SUN5: variants seen among roughly 807,000 people sequenced by gnomAD.
SUN5 encodes the protein Sad1 and UNC84 domain containing 5.
In SUN5, 44 loss-of-function variants were observed where a neutral mutation model predicts 53.7. The observed-to-expected ratio is 0.82, with a 90% CI of 0.64 to 1.05. SUN5 has a LOEUF of 1.05. Among genes scored for constraint, SUN5 ranks in the 50% least tolerant of loss-of-function variants. The pLI is 0.00. For missense variants in SUN5, 433 were observed against 483.8 expected (o/e 0.90, Z 0.98); for synonymous variants, 166 against 179.8 (o/e 0.92, Z 0.62).
Position 32,987,653 on chromosome 20 carries a change from C to T in SUN5, c.729+7G>A. On this transcript the variant is annotated splice_region_variant and intron_variant, in intron 10 of 12. Transcript: ENST00000356173. ...GCCGCTGTCCCATCTCCCGCCATCCCCCCTGCCTCAAGGATCACGTCTGGG... is the reference window on the plus strand; with the variant it reads ...GCCGCTGTCCCATCTCCCGCCATCCTCCCTGCCTCAAGGATCACGTCTGGG... 1 of 1,596,446 alleles carries T rather than the reference C, an allele frequency of 6.3e-7. No individual in the cohort carries two copies. Among genetic ancestry groups the T allele is most frequent in the African/African-American group, 1.3e-5 (1 of 74,782 alleles).
Position 33,002,490 on chromosome 20 carries a change from G to A in SUN5, c.211+97C>T. 5 of 1,179,580 alleles carry A rather than the reference G, an allele frequency of 4.2e-6. No individual in the cohort carries two copies. In the South Asian group the frequency reaches 5.0e-5, roughly 12 times the overall value. 73.1% of individuals were successfully genotyped at this position (1,179,580 alleles called of 1,614,324 possible). On this transcript the variant is annotated intron_variant, in intron 3 of 12. Transcript: ENST00000356173. ...GCTCCCCACCACCCCTGCAGTCCAG[G>A]GCAGGCATTGCCACCCCCAGGTCAG... is the stretch of plus-strand genomic sequence containing the variant.
In SUN5 at chr20:32,985,895, C is replaced by T; in HGVS notation, c.738G>A (p.Val246=). ...QPPDVILEPN[V]TPGNCWAFEG... is the part of the protein sequence containing the mutation. ...CAAAGGCCCAGCAATTGCCAGGTGT[C>T]ACGTTGGGCTAGAAGAGGCAAGTAC... Residue 246 remains valine (V), a synonymous_variant, in exon 11 of 13, where the codon GTG becomes GTA. Transcript: ENST00000356173. The T allele has an allele frequency of 1.2e-6, 2 of 1,613,758 alleles. No individual in the cohort carries two copies. The highest frequency in any genetic ancestry group is 1.1e-5 in the South Asian group (1 of 91,042).
chr20:32,999,333 G>A (rs1325489868), intron 5 of SUN5, among the ~76,000 whole-genome samples: 1 of 152,156 alleles, frequency 6.6e-6, no homozygotes, highest in Non-Finnish European at 1.5e-5. Flanking sequence ...GATGGCTCAC[G>A]TCTGTAATCC....
Position 32,983,908 on chromosome 20 carries a change from G to T in SUN5, c.1026C>A (p.Ile342=). 6.3e-7 allele frequency: 1 copy of T among 1,597,854 alleles called. No homozygotes were observed. ...AGCCTGGGTTCCCCCAGTTGCTTGAGATCTTCACCTTGACCGCACTGAAAG... is the reference window on the plus strand; with the variant it reads ...AGCCTGGGTTCCCCCAGTTGCTTGATATCTTCACCTTGACCGCACTGAAAG... The part of the protein sequence containing the change: ...ARAFSAVKVK[I]SSNWGNPGFT... The change falls in exon 13 of 13, where the codon ATC becomes ATA. Residue 342 remains isoleucine, a synonymous_variant. Coordinates refer to ENST00000356173, the MANE Select transcript of SUN5 (RefSeq NM_080675.4).
intron 6 of SUN5, 78 bp from the exon 7 acceptor site, chr20:32,996,436 C>T: frequency 7.5e-6 from 10 of 1,335,474 alleles, no homozygotes; most frequent in Non-Finnish European, 1.1e-5. Flanking sequence ...TCCATCTATT[C>T]TCCCACAATT....
At position 33,002,514 on chromosome 20, in the gene SUN5, A is replaced by G; in HGVS notation, c.211+73T>C. The stretch of plus-strand genomic sequence containing the variant: ...GGGCAGGCATTGCCACCCCCAGGTC[A>G]GCCTGGGCCGAGGCTGGACCCTCTC... On this transcript the variant is annotated intron_variant, in intron 3 of 12. Transcript: ENST00000356173. 4.7e-6 allele frequency: 7 copies of G among 1,496,684 alleles called. 1 individual carries two copies. The Admixed American group carries it at 1.2e-4, about 25-fold the overall frequency. 92.7% of individuals were successfully genotyped at this position (1,496,684 alleles called of 1,614,324 possible). A position where few individuals can be genotyped will look rare whatever the true frequency, so the allele number is the denominator to read the frequency against.
intron 8 of SUN5, 93 bp from the exon 9 acceptor site, chr20:32,989,791 C>T (rs762310950): frequency 5.3e-5 from 57 of 1,067,778 alleles, no homozygotes; most frequent in Admixed American, 3.9e-4. Context: ...GGCTGCAGGA[C>T]GCTGTCCTCT....
At chr20:32,991,259 G>A (rs1032913066) in intron 8 of SUN5, among the ~76,000 whole-genome samples, 1 of 152,178 alleles carries the variant, frequency 6.6e-6, no homozygotes, top group South Asian at 2.1e-4. Flanking sequence ...TCCCCAGCAC[G>A]CAGTAGGCAC....
intron 10 of SUN5, among the ~76,000 whole-genome samples, chr20:32,986,160 C>T (rs562319793): frequency 1.2e-3 from 183 of 152,334 alleles, no homozygotes; most frequent in Non-Finnish European, 2.2e-3. Context: ...GGCACCCATT[C>T]ATTCATTCAT....
intron 5 of SUN5, among the ~76,000 whole-genome samples, chr20:32,998,961 G>T (rs2146336907): frequency 6.6e-6 from 1 of 152,308 alleles, no homozygotes; most frequent in South Asian, 2.1e-4. Context: ...CTTGAACTCA[G>T]GAGTTTGAGG....
chr20:32,991,912 A>G (rs1443079630), intron 8 of SUN5, among the ~76,000 whole-genome samples: 1 of 152,224 alleles, frequency 6.6e-6, no homozygotes, highest in East Asian at 1.9e-4. Context: ...CAGGAAGCAC[A>G]GGAGAGGAGA....
chr20:32,988,379 C>G (rs1267203011), intron 9 of SUN5, among the ~76,000 whole-genome samples: 4 of 152,084 alleles, frequency 2.6e-5, no homozygotes, highest in African/African-American at 9.7e-5. Flanking sequence ...TTGGGGGCAG[C>G]CTGCGGCCCA....
At chr20:32,990,093 C>G (rs6058992) in intron 8 of SUN5, among the ~76,000 whole-genome samples, 1,569 of 152,190 alleles carry the variant, frequency 0.01, 27 homozygotes, top group African/African-American at 0.036. Flanking sequence ...TCTGTAAAGC[C>G]CCTACTATGT....
At position 33,002,636 on chromosome 20, in the gene SUN5, G is replaced by T; in HGVS notation, c.162C>A (p.Arg54=). 6.2e-7 allele frequency: 1 copy of T among 1,614,226 alleles called. No homozygotes were observed. Among genetic ancestry groups the T allele is most frequent in the Non-Finnish European group, 8.5e-7 (1 of 1,180,050 alleles). ...TCAGGCCTAGGGCTTGGTCATTGTT[G>T]CGGACAGGCAACAGGATGTTGTCAT... ...NMNDNILLPV[R]NNDQALGLTQ... The change falls in exon 3 of 13, where the codon CGC becomes CGA. Residue 54 remains arginine (R), a synonymous_variant. Coordinates refer to ENST00000356173, the MANE Select transcript of SUN5 (RefSeq NM_080675.4).
At position 32,995,658 on chromosome 20, in the gene SUN5, G is replaced by A; in HGVS notation, c.495C>T (p.Leu165=). ...CTTCCATCTCCTGGAGCTTGGCAATGAGCTGGTTCATGCTACCTCGGAGGT... is the reference window on the plus strand; with the variant it reads ...CTTCCATCTCCTGGAGCTTGGCAATAAGCTGGTTCATGCTACCTCGGAGGT... ...IQDLRGSMNQ[L]IAKLQEMEAM... The change falls in exon 8 of 13, where the codon CTC becomes CTT. Residue 165 remains leucine (L), a synonymous_variant. Coordinates refer to ENST00000356173, the MANE Select transcript of SUN5 (RefSeq NM_080675.4). 1 of 1,614,166 alleles carries A rather than the reference G, an allele frequency of 6.2e-7. No homozygotes were observed. The highest frequency in any genetic ancestry group is 1.1e-5 in the South Asian group (1 of 91,070).
intron 8 of SUN5, among the ~76,000 whole-genome samples, chr20:32,992,882 A>G (rs1989745487): frequency 2.0e-5 from 3 of 152,202 alleles, no homozygotes; most frequent in Admixed American, 1.3e-4. Context: ...CTGCAGAATA[A>G]AGTAAAAAAG....
At chr20:32,989,878 A>C (rs537854775) in intron 8 of SUN5, among the ~76,000 whole-genome samples, 180 bp from the exon 9 acceptor site, 1 of 152,084 alleles carries the variant, frequency 6.6e-6, no homozygotes, top group Non-Finnish European at 1.5e-5. Flanking sequence ...TCCTGACCCC[A>C]CCCTGGGTTC....
At chr20:33,000,860 A>T (rs1989984914) in intron 4 of SUN5, among the ~76,000 whole-genome samples, 1 of 150,696 alleles carries the variant, frequency 6.6e-6, no homozygotes. Context: ...AAAAAAAAAA[A>T]AAGTTAACAG....
Position 32,996,729 on chromosome 20 carries a change from C to T in SUN5, c.391-371G>A, listed in dbSNP as rs73907333. ...ATCTATCCACCAACCCACCCACCCA[C>T]TCATCTATCCCATCTGCTCTTGCAT... On this transcript the variant is annotated intron_variant, in intron 6 of 12. Transcript: ENST00000356173. Among the ~76,000 whole-genome samples, 897 of 152,140 alleles carry T rather than the reference C, an allele frequency of 5.9e-3. 10 individuals carry two copies. Among genetic ancestry groups the T allele is most frequent in the African/African-American group, 0.02 (844 of 41,508 alleles).
Sources: gnomAD v4.1 joint callset for allele counts (sites outside exome capture counted in the v4.1 genomes callset) on GRCh38, gnomAD v4.1.1 for gene constraint, MANE v1.5 for transcripts, NCBI Gene and HGNC (gene_info 2026-07-23, HGNC 2026-07-21) for gene names.